The following NFIX variants were observed in gnomAD, a reference collection of about 807,000 sequenced individuals.
The protein encoded by NFIX is nuclear factor I X.
NFIX carries 2 observed loss-of-function variants against 53.3 expected under a neutral mutation model. The ratio of observed to expected loss-of-function variants is 0.04; its 90% CI spans 0.02 to 0.12. The LOEUF (loss-of-function observed/expected upper bound fraction) is 0.12. Among genes scored for constraint, NFIX ranks in the 10% least tolerant of loss-of-function variants. The probability of loss-of-function intolerance (pLI) is 1.00; values close to 1 mark genes in which losing one functional copy is unlikely to be tolerated. For missense variants in NFIX, 310 were observed against 674.5 expected (o/e 0.46, Z 5.99); for synonymous variants, 244 against 289.0 (o/e 0.84, Z 1.58).
chr19:13,036,173 G>A lies in NFIX; in HGVS notation c.559+10621G>A, dbSNP rs1190751960. Among the ~76,000 whole-genome samples, 1 of 152,154 alleles carries A rather than the reference G, an allele frequency of 6.6e-6. No individual in the cohort carries two copies. The highest frequency in any genetic ancestry group is 1.5e-5 in the Non-Finnish European group (1 of 68,018). On this transcript the variant is annotated intron_variant, in intron 2 of 10. Coordinates refer to ENST00000592199, the MANE Select transcript of NFIX (RefSeq NM_001365902.3). This position sits in a 1 kb window ranked among gnomAD's most constrained non-coding sequence, Gnocchi z 4.7. ...TGCACCTGGCTTGGCCTCTGGAGTC[G>A]ACTTCCCAAGTCTCCTAGGAAGGCG...
chr19:13,083,954 T>C (rs1024678882), intron 8 of NFIX, among the ~76,000 whole-genome samples: 2 of 152,250 alleles, frequency 1.3e-5, no homozygotes, highest in Admixed American at 6.5e-5. Flanking sequence ...AGACTTGGCA[T>C]GCGCGAGAGT....
intron 2 of NFIX, among the ~76,000 whole-genome samples, chr19:13,058,841 G>C (rs1028201244): frequency 6.6e-6 from 1 of 152,104 alleles, no homozygotes; most frequent in African/African-American, 2.4e-5. Context: ...GTGGGGAGGG[G>C]TAGGTCTGAG....
At chr19:13,054,343 G>A (rs927006200) in intron 2 of NFIX, among the ~76,000 whole-genome samples, 6 of 152,248 alleles carry the variant, frequency 3.9e-5, no homozygotes, top group Admixed American at 3.9e-4. Flanking sequence ...CTATCAGGCA[G>A]ATTCAATGTC....
rs1040490862 is a variant in NFIX, at chr19:13,027,241, C to T, written c.559+1689C>T. On this transcript the variant is annotated intron_variant, in intron 2 of 10. Transcript: ENST00000592199. The surrounding 1 kb of genome is among the most constrained non-coding windows in gnomAD (Gnocchi z 4.3). ...CCTGCATCCGGCCCTGTGTGACCATCGTGACCCGTCATGCAGAAGGGCCAG... is the reference window on the plus strand; with the variant it reads ...CCTGCATCCGGCCCTGTGTGACCATTGTGACCCGTCATGCAGAAGGGCCAG... 4.6e-5 allele frequency among the ~76,000 whole-genome samples: 7 copies of T among 152,200 alleles called. No homozygotes were observed. Among genetic ancestry groups the T allele is most frequent in the Non-Finnish European group, 7.3e-5 (5 of 68,044 alleles).
intron 2 of NFIX, among the ~76,000 whole-genome samples, chr19:13,032,823 A>G (rs1422718035): frequency 1.3e-5 from 2 of 152,196 alleles, no homozygotes; most frequent in African/African-American, 4.8e-5. Flanking sequence ...TTCGAACAAG[A>G]GACACCCAAA....
rs529259989 is a variant in NFIX at position 13,013,786 on chromosome 19, G to A, written c.28-11235G>A. On this transcript the variant is annotated intron_variant, in intron 1 of 10. Coordinates refer to ENST00000592199, the MANE Select transcript of NFIX (RefSeq NM_001365902.3). This position sits in a 1 kb window ranked among gnomAD's most constrained non-coding sequence, Gnocchi z 5.9. ...CGGTGACGCTTCGTGGAGCTGGCGA[G>A]CCTCGCCTGTCCCGCGACTGAGCTT... The A allele has an allele frequency of 6.9e-4, 105 of 152,178 alleles. No homozygotes were observed. The highest frequency in any genetic ancestry group is 1.4e-3 in the Non-Finnish European group (97 of 68,048). The allele number at this position is 152,178 out of a possible 1,614,324, so 9.4% of individuals were successfully genotyped here. A position where few individuals can be genotyped will look rare whatever the true frequency, so the allele number is the denominator to read the frequency against.
Position 13,011,509 on chromosome 19 carries a change from T to G in NFIX, c.28-13512T>G. On this transcript the variant is annotated intron_variant, in intron 1 of 10. Coordinates refer to ENST00000592199, the MANE Select transcript of NFIX (RefSeq NM_001365902.3). The surrounding 1 kb of genome is among the most constrained non-coding windows in gnomAD (Gnocchi z 6.5). The stretch of plus-strand genomic sequence containing the variant: ...GCATCATGGACTTCAGGAGTGAGGG[T>G]GGGTGGGTTTTGGAGGGGTGGGAGC... Among the ~76,000 whole-genome samples, 2 of 136,366 alleles carry G rather than the reference T, an allele frequency of 1.5e-5. No individual in the cohort carries two copies. The highest frequency in any genetic ancestry group is 5.5e-4 in the South Asian group (2 of 3,668). The allele number at this position is 136,366 out of a possible 152,430, so 89.5% of individuals were successfully genotyped here.
rs61304007 is a variant in NFIX, at chr19:13,042,511, C to T, written c.559+16959C>T. Among the ~76,000 whole-genome samples the T allele has an allele frequency of 8.6e-5, 13 of 151,936 alleles. No individual in the cohort carries two copies. The East Asian group carries it at 2.3e-3, about 27-fold the overall frequency. On this transcript the variant is annotated intron_variant, in intron 2 of 10. Transcript: ENST00000592199. ...CTGGGTTTACAGGTGTGCGCCACCA[C>T]ACCTGGCTATTTTTTTGTGTGTTTT...
rs2011779541 is a variant in NFIX, at chr19:13,002,694, G to T, written c.27+6830G>T. On this transcript the variant is annotated intron_variant, in intron 1 of 10. Transcript: ENST00000592199. The surrounding 1 kb of genome is among the most constrained non-coding windows in gnomAD (Gnocchi z 6.1). The stretch of plus-strand genomic sequence containing the variant: ...GTTTGCCACCACTACCGATGTGGCT[G>T]CGCCAGCCAGGGAGGGGAGGCGGGT... 6.6e-6 allele frequency among the ~76,000 whole-genome samples: 1 copy of T among 152,232 alleles called. No individual in the cohort carries two copies. Among genetic ancestry groups the T allele is most frequent in the Non-Finnish European group, 1.5e-5 (1 of 68,032 alleles).
At chr19:13,044,871 G>GC (rs1486830002) in intron 2 of NFIX, among the ~76,000 whole-genome samples, 1 of 152,210 alleles carries the variant, frequency 6.6e-6, no homozygotes, top group Non-Finnish European at 1.5e-5. Context: ...GCTATTAAAA[G>GC]CCCTCTGTTT....
At chr19:13,039,229 CA>C (rs367910607) in intron 2 of NFIX, among the ~76,000 whole-genome samples, 2,933 of 131,786 alleles carry the variant, frequency 0.022, 111 homozygotes, top group African/African-American at 0.095. Context: ...CACCCCCCCC[CA>C]CACACACACA....
intron 2 of NFIX, among the ~76,000 whole-genome samples, chr19:13,071,615 A>T (rs1205525661): frequency 2.0e-5 from 3 of 152,314 alleles, no homozygotes; most frequent in Admixed American, 6.5e-5. Flanking sequence ...AAAAAGAACT[A>T]CTTTTTCTTG....
In NFIX at chr19:13,006,940, A is replaced by G. The variant is rs1185730703; in HGVS notation, c.27+11076A>G. Among the ~76,000 whole-genome samples the G allele has an allele frequency of 6.6e-6, 1 of 152,130 alleles. No individual in the cohort carries two copies. Among genetic ancestry groups the G allele is most frequent in the African/African-American group, 2.4e-5 (1 of 41,436 alleles). On this transcript the variant is annotated intron_variant, in intron 1 of 10. Transcript: ENST00000592199. This position sits in a 1 kb window ranked among gnomAD's most constrained non-coding sequence, Gnocchi z 5.6. Reference sequence around the variant, plus strand: ...CTGCCAGTCTCCATTTCGAAGCTTGAGGTGGGGGTGGGGAAGTGCTGGGCG... The same window carrying G: ...CTGCCAGTCTCCATTTCGAAGCTTGGGGTGGGGGTGGGGAAGTGCTGGGCG...
chr19:13,058,035 G>A (rs1246454415), intron 2 of NFIX, among the ~76,000 whole-genome samples: 1 of 152,064 alleles, frequency 6.6e-6, no homozygotes, highest in Non-Finnish European at 1.5e-5. Flanking sequence ...AAAGACAGCT[G>A]GAACTGGCCC....
At chr19:13,062,607 G>A (rs901924986) in intron 2 of NFIX, among the ~76,000 whole-genome samples, 3 of 152,232 alleles carry the variant, frequency 2.0e-5, no homozygotes, top group African/African-American at 4.8e-5. Context: ...CAGAGCTAGA[G>A]CCTCCCACTT....
At chr19:13,074,167 C>T (rs2016934480) in intron 5 of NFIX, 141 bp downstream of exon 5, 2 of 1,102,698 alleles carry the variant, frequency 1.8e-6, no homozygotes, top group Non-Finnish European at 2.6e-6. Context: ...CTGGCTCTAA[C>T]ACTTTAGAGT....
rs1051221564 is a variant in NFIX at position 12,996,874 on chromosome 19, G to C, written c.27+1010G>C. On this transcript the variant is annotated intron_variant, in intron 1 of 10. Coordinates refer to ENST00000592199, the MANE Select transcript of NFIX (RefSeq NM_001365902.3). The surrounding 1 kb of genome is among the most constrained non-coding windows in gnomAD (Gnocchi z 5.2). ...GGCAAAAGCTTCGAGGATGCCTGTC[G>C]GGCCACCCAACTCTCCCTGGGCTGT... Among the ~76,000 whole-genome samples, 1 of 152,244 alleles carries C rather than the reference G, an allele frequency of 6.6e-6. No homozygotes were observed. Among genetic ancestry groups the C allele is most frequent in the African/African-American group, 2.4e-5 (1 of 41,464 alleles).
In NFIX at chr19:13,094,501, T is replaced by G. The variant is rs1193237012; in HGVS notation, c.1495-134T>G. On this transcript the variant is annotated intron_variant, in intron 10 of 10. Coordinates refer to ENST00000592199, the MANE Select transcript of NFIX (RefSeq NM_001365902.3). The surrounding 1 kb of genome is among the most constrained non-coding windows in gnomAD (Gnocchi z 4.3). ...CCCTTTCTTCTCCATGGGAACAAGGTGGGTGGTGGCTGCCCGGCACCCTGG... is the reference window on the plus strand; with the variant it reads ...CCCTTTCTTCTCCATGGGAACAAGGGGGGTGGTGGCTGCCCGGCACCCTGG... 1 of 783,314 alleles carries G rather than the reference T, an allele frequency of 1.3e-6. No individual in the cohort carries two copies. Among genetic ancestry groups the G allele is most frequent in the Admixed American group, 2.5e-5 (1 of 39,896 alleles). The allele number at this position is 783,314 out of a possible 1,614,324, so 48.5% of individuals were successfully genotyped here.
rs1321751825 is a variant in NFIX, at chr19:12,998,670, C to T, written c.27+2806C>T. On this transcript the variant is annotated intron_variant, in intron 1 of 10. Coordinates refer to ENST00000592199, the MANE Select transcript of NFIX (RefSeq NM_001365902.3). The surrounding 1 kb of genome is among the most constrained non-coding windows in gnomAD (Gnocchi z 4.4). The stretch of plus-strand genomic sequence containing the variant: ...GATGTGAACTCACGTACACCACCAT[C>T]ACCGCCAAGATGGGGATGTAAGTGT... Among the ~76,000 whole-genome samples the T allele has an allele frequency of 6.6e-6, 1 of 152,130 alleles. No homozygotes were observed. The highest frequency in any genetic ancestry group is 1.5e-5 in the Non-Finnish European group (1 of 68,036).
Sources: gnomAD v4.1 joint callset for allele counts (sites outside exome capture counted in the v4.1 genomes callset) on GRCh38, gnomAD v4.1.1 for gene constraint, Gnocchi (gnomAD v3.1) non-coding constraint, MANE v1.5 for transcripts, NCBI Gene and HGNC (gene_info 2026-07-23, HGNC 2026-07-21) for gene names.